FMN1: variants seen among roughly 807,000 people sequenced by gnomAD.
FMN1 encodes the protein formin-1.
In FMN1, 110 loss-of-function variants were observed where a neutral mutation model predicts 132.4. The observed-to-expected ratio is 0.83, with a 90% CI of 0.71 to 0.97. The LOEUF (loss-of-function observed/expected upper bound fraction) is 0.97, where lower values mean the gene tolerates loss of function less well. FMN1 is among the 50% of genes least tolerant of loss of function. The pLI is 0.00. For missense variants in FMN1, 1,792 were observed against 1,705.3 expected, an observed-to-expected ratio of 1.05 and a Z score of -0.90; for synonymous variants, 722 against 651.7, an observed-to-expected ratio of 1.11 and a Z score of -1.64.
At chr15:33,173,655 A>ATG (rs1311522622) in intron 3 of FMN1, among the ~76,000 whole-genome samples, 3 of 152,250 alleles carry the variant, frequency 2.0e-5, no homozygotes, top group Non-Finnish European at 2.9e-5. Flanking sequence ...TAGGCCGGGC[A>ATG]CGGTGGCTCA....
chr15:33,161,408 C>T (rs1007232630), intron 3 of FMN1, among the ~76,000 whole-genome samples: 2 of 152,214 alleles, frequency 1.3e-5, no homozygotes, highest in East Asian at 1.9e-4. Context: ...TGGTAGTAGG[C>T]GTGCCCTCTA....
At chr15:32,925,672 C>T (rs900718089) in intron 10 of FMN1, among the ~76,000 whole-genome samples, 7 of 152,212 alleles carry the variant, frequency 4.6e-5, no homozygotes, top group Non-Finnish European at 8.8e-5. Context: ...ATACAAACAA[C>T]AGGGACATTA....
chr15:33,058,903 A>G (rs73376698), intron 6 of FMN1, among the ~76,000 whole-genome samples: 4,222 of 152,284 alleles, frequency 0.028, 215 homozygotes, highest in African/African-American at 0.096. Flanking sequence ...TTATGGTGAG[A>G]CATTTGAAAT....
At chr15:32,936,331 T>C (rs1346616186) in intron 9 of FMN1, among the ~76,000 whole-genome samples, 1 of 152,208 alleles carries the variant, frequency 6.6e-6, no homozygotes, top group Non-Finnish European at 1.5e-5. Context: ...TCTCATTCTT[T>C]ACAGACTGAT....
chr15:32,805,215 T>C (rs2057635800), intron 17 of FMN1, among the ~76,000 whole-genome samples: 2 of 152,220 alleles, frequency 1.3e-5, no homozygotes, highest in Admixed American at 6.5e-5. Context: ...TGGAGTGAGA[T>C]GGTGTGTCAT....
intron 17 of FMN1, among the ~76,000 whole-genome samples, chr15:32,835,328 A>C (rs1021249038): frequency 7.9e-5 from 12 of 152,232 alleles, no homozygotes; most frequent in Non-Finnish European, 1.5e-4. Flanking sequence ...CTCTAAAAAA[A>C]TAAACTTAGA....
At chr15:32,966,561 T>A (rs1305630496) in intron 8 of FMN1, among the ~76,000 whole-genome samples, 2 of 152,218 alleles carry the variant, frequency 1.3e-5, no homozygotes, top group East Asian at 3.9e-4. Context: ...GAGGATTTAT[T>A]TTTCCTTAAG....
At chr15:32,837,586 G>C (rs1443494132) in intron 17 of FMN1, among the ~76,000 whole-genome samples, 1 of 152,172 alleles carries the variant, frequency 6.6e-6, no homozygotes, top group Non-Finnish European at 1.5e-5. Flanking sequence ...TTAGGAGATT[G>C]AGGAATGCCC....
chr15:32,855,964 T>C (rs1446149540), intron 17 of FMN1, among the ~76,000 whole-genome samples: 1 of 152,220 alleles, frequency 6.6e-6, no homozygotes, highest in Non-Finnish European at 1.5e-5. Context: ...TATGAGGTTC[T>C]GTAATGGCTG....
chr15:32,864,399 A>G (rs2059346180), intron 16 of FMN1, among the ~76,000 whole-genome samples: 2 of 152,224 alleles, frequency 1.3e-5, no homozygotes, highest in Admixed American at 6.5e-5. Context: ...CCCATTTTCT[A>G]CTAAATAGCC....
intron 7 of FMN1, among the ~76,000 whole-genome samples, chr15:32,995,549 T>C (rs1437947463): frequency 6.6e-6 from 1 of 152,172 alleles, no homozygotes; most frequent in African/African-American, 2.4e-5. Context: ...AAGTGTAGTG[T>C]CTGGCATATA....
chr15:33,040,373 C>G (rs2141114742), intron 6 of FMN1, among the ~76,000 whole-genome samples: 1 of 152,250 alleles, frequency 6.6e-6, no homozygotes, highest in East Asian at 1.9e-4. Context: ...TCCACCTCTC[C>G]CAACCCTACT....
At chr15:33,030,689 G>C (rs552071602) in intron 6 of FMN1, among the ~76,000 whole-genome samples, 1 of 152,150 alleles carries the variant, frequency 6.6e-6, no homozygotes, top group Non-Finnish European at 1.5e-5. Context: ...ATACCGAAAA[G>C]AAAGTAAAAC....
At chr15:32,926,069 G>A (rs982358441) in intron 10 of FMN1, 105 bp downstream of exon 10, 1 of 683,172 alleles carries the variant, frequency 1.5e-6, no homozygotes, top group Non-Finnish European at 2.5e-6. Flanking sequence ...TGGGTATATA[G>A]GATTCATTAG....
chr15:32,926,641 G>A (rs2060968444), intron 9 of FMN1, among the ~76,000 whole-genome samples: 1 of 152,178 alleles, frequency 6.6e-6, no homozygotes, highest in African/African-American at 2.4e-5. Context: ...TCACTTCATA[G>A]CCTCCAATCT....
intron 4 of FMN1, among the ~76,000 whole-genome samples, chr15:33,114,642 A>C (rs540444681): frequency 9.9e-5 from 15 of 152,168 alleles, no homozygotes; most frequent in Non-Finnish European, 1.6e-4. Flanking sequence ...CCACATGACC[A>C]ACAATGCACC....
rs549691727 is a variant in FMN1, at chr15:32,928,494, T to C, written c.3139-2233A>G. Among the ~76,000 whole-genome samples the C allele has an allele frequency of 4.6e-5, 7 of 152,316 alleles. No individual in the cohort carries two copies. In the East Asian group the frequency reaches 1.3e-3, roughly 29 times the overall value. Reference sequence around the variant, plus strand: ...ATTCAAAAAATATTTACTGTACACGTTACATGTGCCTGGCATTGCTTTGTA... The same window carrying C: ...ATTCAAAAAATATTTACTGTACACGCTACATGTGCCTGGCATTGCTTTGTA... On this transcript the variant is annotated intron_variant, in intron 9 of 20. Coordinates refer to ENST00000616417, the MANE Select transcript of FMN1 (RefSeq NM_001277313.2).
Position 32,920,365 on chromosome 15 carries a change from T to A in FMN1, c.3226+5809A>T, listed in dbSNP as rs534399819. ...TCTCTCCTGGACCAAATGCAAGTGC[T>A]TTTGGTATTATGGTCACCCTCCTGA... On this transcript the variant is annotated intron_variant, in intron 10 of 20. Transcript: ENST00000616417. Among the ~76,000 whole-genome samples the A allele has an allele frequency of 2.6e-5, 4 of 152,284 alleles. No homozygotes were observed. The South Asian group carries it at 8.3e-4, about 32-fold the overall frequency.
intron 6 of FMN1, among the ~76,000 whole-genome samples, chr15:33,037,933 A>G (rs2036260154): frequency 1.3e-5 from 2 of 152,260 alleles, no homozygotes; most frequent in South Asian, 4.1e-4. Context: ...ACCTTAAAAT[A>G]AAACTATTAT....
Sources: allele counts gnomAD v4.1 joint callset (sites outside exome capture counted in the v4.1 genomes callset), GRCh38; gene constraint gnomAD v4.1.1; transcripts MANE v1.5; gene names NCBI Gene and HGNC (gene_info 2026-07-23, HGNC 2026-07-21).